PLCB4: variants seen among roughly 807,000 people sequenced by gnomAD.
PLCB4 encodes the protein phospholipase C beta 4, also known as 1-phosphatidylinositol 4,5-bisphosphate phosphodiesterase beta-4.
PLCB4 carries 77 observed loss-of-function variants against 178.8 expected under a neutral mutation model. The ratio of observed to expected loss-of-function variants is 0.43; its 90% CI spans 0.36 to 0.52. The LOEUF is 0.52. Ranked by LOEUF, PLCB4 falls within the 20% of genes least tolerant of loss-of-function variation. PLCB4 has a pLI of 0.00. For missense variants in PLCB4, 1,024 were observed against 1,453.4 expected (o/e 0.70, Z 4.80); for synonymous variants, 496 against 490.8 (o/e 1.01, Z -0.14).
At chr20:9,207,115 T>TA (rs2093623707) in intron 2 of PLCB4, among the ~76,000 whole-genome samples, 1 of 151,946 alleles carries the variant, frequency 6.6e-6, no homozygotes, top group Admixed American at 6.6e-5. Flanking sequence ...GACTCTGTCT[T>TA]AAAAAACCAA....
At chr20:9,356,732 TGAGCAGATTAAAACTGATGGATA>T (rs1330945858) in intron 7 of PLCB4, among the ~76,000 whole-genome samples, 1 of 152,218 alleles carries the variant, frequency 6.6e-6, no homozygotes, top group African/African-American at 2.4e-5. Flanking sequence ...ACATATTATT[TGAGCAGATTAAAACTGATGGATA>T]GAGCAATTTA....
chr20:9,090,223 T>TTGTGTGTGTGTG (rs1205735706), intron 1 of PLCB4, among the ~76,000 whole-genome samples: 3 of 45,850 alleles, frequency 6.5e-5, no homozygotes, highest in East Asian at 9.3e-4. Context: ...AGAATACTAT[T>TTGTGTGTGTGTG]TATGTGTGTG....
rs958253897 is a variant in PLCB4 at position 9,423,355 on chromosome 20, G to A, written c.2320-393G>A. Reference sequence around the variant, plus strand: ...AAACAAATATAGATGTCAGCAATATGCCAGATATTAGATCACAGGATTAGA... The same window carrying A: ...AAACAAATATAGATGTCAGCAATATACCAGATATTAGATCACAGGATTAGA... On this transcript the variant is annotated intron_variant, in intron 27 of 39. Transcript: ENST00000378473. Among the ~76,000 whole-genome samples the A allele has an allele frequency of 3.9e-5, 6 of 152,296 alleles. No individual in the cohort carries two copies. The South Asian group carries it at 6.2e-4, about 16-fold the overall frequency.
chr20:9,158,310 A>G (rs376097960), intron 2 of PLCB4, among the ~76,000 whole-genome samples: 1 of 151,732 alleles, frequency 6.6e-6, no homozygotes, highest in African/African-American at 2.4e-5. Context: ...CTGTTGCCCA[A>G]GCTGTAGTGT....
intron 3 of PLCB4, among the ~76,000 whole-genome samples, chr20:9,238,184 G>C (rs2094014824): frequency 6.6e-6 from 1 of 152,182 alleles, no homozygotes; most frequent in African/African-American, 2.4e-5. Flanking sequence ...TATGGCTGTT[G>C]TAGGAAGAAC....
chr20:9,240,104 A>G (rs1462261607), intron 3 of PLCB4, among the ~76,000 whole-genome samples: 1 of 152,098 alleles, frequency 6.6e-6, no homozygotes, highest in Non-Finnish European at 1.5e-5. Context: ...GAGGTACAAT[A>G]CTTTGCATCC....
Position 9,468,668 on chromosome 20 carries a change from G to A in PLCB4, c.3346G>A (p.Glu1116Lys). The A allele has an allele frequency of 6.3e-7, 1 of 1,580,018 alleles. No individual in the cohort carries two copies. ...DKSIKNKAER[E>K]RRVRELNSSN... ...ATCTATCAAGAATAAAGCAGAACGG[G>A]AAAGGTAAGTCTGAGAGTGTTCACT... is the stretch of plus-strand genomic sequence containing the variant. Residue 1116 changes from glutamate (E) to lysine (K), a missense_variant, in exon 36 of 40, where the codon GAA becomes AAA. By Grantham distance (56) the Glu-to-Lys change is moderately conservative. This residue lies in a region of PLCB4 where 264 missense variants were observed against 283.2 expected (regional missense o/e 0.93). Coordinates refer to ENST00000378473, the MANE Select transcript of PLCB4 (RefSeq NM_001377142.1).
At chr20:9,128,136 A>G (rs1045654030) in intron 2 of PLCB4, among the ~76,000 whole-genome samples, 2 of 152,032 alleles carry the variant, frequency 1.3e-5, no homozygotes, top group African/African-American at 4.8e-5. Context: ...ATCCTCTTGG[A>G]TGAGGGGTTC....
intron 3 of PLCB4, among the ~76,000 whole-genome samples, chr20:9,273,116 A>G (rs975297401): frequency 6.6e-6 from 1 of 152,148 alleles, no homozygotes; most frequent in African/African-American, 2.4e-5. Flanking sequence ...TGTTTGACGT[A>G]GGTCAAGTAG....
At chr20:9,419,746 TA>T in intron 25 of PLCB4, 60 bp from the exon 26 acceptor site, 2 of 1,001,780 alleles carry the variant, frequency 2.0e-6, no homozygotes, top group African/African-American at 1.6e-5. Context: ...TTGTTTCAAC[TA>T]GCGAGTGTTT....
At chr20:9,361,733 A>G (rs1009839643) in intron 7 of PLCB4, among the ~76,000 whole-genome samples, 6 of 152,240 alleles carry the variant, frequency 3.9e-5, no homozygotes, top group African/African-American at 1.4e-4. Flanking sequence ...CGCAGTCATC[A>G]CCTTTGCCCT....
At chr20:9,320,675 G>A (rs751125160) in intron 4 of PLCB4, among the ~76,000 whole-genome samples, 3 of 152,168 alleles carry the variant, frequency 2.0e-5, no homozygotes, top group Non-Finnish European at 4.4e-5. Flanking sequence ...TCCTTTTGCA[G>A]TTTACAAAAC....
At chr20:9,280,243 T>C (rs1398174388) in intron 3 of PLCB4, among the ~76,000 whole-genome samples, 1 of 152,034 alleles carries the variant, frequency 6.6e-6, no homozygotes, top group Non-Finnish European at 1.5e-5. Flanking sequence ...AGTGGGCCAC[T>C]GACCTTCTGG....
rs1429153023 is a variant in PLCB4, at chr20:9,408,025, C to A, written c.1756C>A (p.Pro586Thr). The A allele has an allele frequency of 6.2e-7, 1 of 1,613,384 alleles. No individual in the cohort carries two copies. Among genetic ancestry groups the A allele is most frequent in the Non-Finnish European group, 8.5e-7 (1 of 1,179,508 alleles). ...GTCCACAATGATCAACTACGCCCAG[C>A]CTGTAAAGTTTCAAGGTTTCCATGT... ...YLSTMINYAQ[P>T]VKFQGFHVAE... Residue 586 changes from proline to threonine, a missense_variant, in exon 22 of 40, where the codon CCT (proline) becomes ACT (threonine). Pro to Thr is a conservative substitution (Grantham distance 38). Transcript: ENST00000378473.
At chr20:9,257,808 C>T (rs1405015751) in intron 3 of PLCB4, among the ~76,000 whole-genome samples, 1 of 152,044 alleles carries the variant, frequency 6.6e-6, no homozygotes, top group Non-Finnish European at 1.5e-5. Flanking sequence ...CCAACTGATT[C>T]AGAAGAAACA....
chr20:9,232,939 T>C (rs1026023181), intron 3 of PLCB4, among the ~76,000 whole-genome samples: 1 of 152,122 alleles, frequency 6.6e-6, no homozygotes, highest in Non-Finnish European at 1.5e-5. Context: ...GGTTGAATGC[T>C]TGATGTAACT....
chr20:9,293,004 A>C (rs1036769785), intron 3 of PLCB4, among the ~76,000 whole-genome samples: 3 of 152,056 alleles, frequency 2.0e-5, no homozygotes, highest in Non-Finnish European at 2.9e-5. Context: ...GCTTGAACCC[A>C]GGAAGCAGAG....
chr20:9,417,319 G>A (rs1045086598), intron 25 of PLCB4, among the ~76,000 whole-genome samples: 5 of 151,834 alleles, frequency 3.3e-5, no homozygotes, highest in African/African-American at 4.8e-5. Context: ...GTGTAGTGAG[G>A]GTAATTGCAG....
chr20:9,098,165 T>C (rs1015361523), intron 2 of PLCB4, among the ~76,000 whole-genome samples: 1 of 152,186 alleles, frequency 6.6e-6, no homozygotes, highest in Non-Finnish European at 1.5e-5. Flanking sequence ...AAAGACGATA[T>C]AGAGAAACAT....
Sources: allele counts gnomAD v4.1 joint callset (sites outside exome capture counted in the v4.1 genomes callset), GRCh38; gene constraint gnomAD v4.1.1; regional missense constraint gnomAD v4.1.1; transcripts MANE v1.5; gene names NCBI Gene and HGNC (gene_info 2026-07-23, HGNC 2026-07-21).